UBE2G1: variants seen among roughly 807,000 people sequenced by gnomAD.
UBE2G1 encodes ubiquitin-conjugating enzyme E2 G1.
UBE2G1 carries 5 observed loss-of-function variants against 22.7 expected under a neutral mutation model. The observed-to-expected ratio is 0.22, with a 90% CI of 0.12 to 0.46. UBE2G1 has a LOEUF of 0.46. Among genes scored for constraint, UBE2G1 ranks in the 20% least tolerant of loss-of-function variants. The pLI, the probability that UBE2G1 is intolerant of heterozygous loss-of-function variation, is 0.99. For missense variants in UBE2G1, 88 were observed against 203.9 expected (o/e 0.43, Z 3.46); for synonymous variants, 74 against 67.5 (o/e 1.10, Z -0.47).
chr17:4,366,261 G>C lies in UBE2G1; in HGVS notation c.46+10C>G. 1 of 1,547,116 alleles carries C rather than the reference G, an allele frequency of 6.5e-7. No individual in the cohort carries two copies. The highest frequency in any genetic ancestry group is 1.2e-5 in the South Asian group (1 of 85,306). On this transcript the variant is annotated intron_variant, in intron 1 of 5. Transcript: ENST00000396981. ...GGCCGGGCCCGGCGCCCCGCCGCCC[G>C]CCTGCTCACCTGCCAGCTGTCTTCG...
intron 1 of UBE2G1, among the ~76,000 whole-genome samples, chr17:4,365,778 G>A (rs1597271607): frequency 6.6e-6 from 1 of 152,302 alleles, no homozygotes; most frequent in East Asian, 1.9e-4. Flanking sequence ...CGCCGCCCGG[G>A]GAGAAGTTTT....
intron 1 of UBE2G1, among the ~76,000 whole-genome samples, chr17:4,362,502 G>A (rs960365904): frequency 2.0e-5 from 3 of 152,028 alleles, no homozygotes; most frequent in African/African-American, 7.2e-5. Flanking sequence ...AACCCAAAAC[G>A]TCAGTAGCGC....
intron 1 of UBE2G1, among the ~76,000 whole-genome samples, chr17:4,342,366 A>C (rs550166995): frequency 2.6e-5 from 4 of 152,206 alleles, no homozygotes; most frequent in Non-Finnish European, 5.9e-5. Context: ...GCAGTAGCTC[A>C]TACCTGTAAT....
chr17:4,288,771 GT>G lies in UBE2G1; in HGVS notation c.426+458del, dbSNP rs145103723. On this transcript the variant is annotated intron_variant, in intron 4 of 5. Transcript: ENST00000396981. The stretch of plus-strand genomic sequence containing the variant: ...AAACTGCTGAGAGGAGAATTTAAGT[GT>G]TCTCACAATAAAATTAGTAAGTATG... 4.8e-3 allele frequency among the ~76,000 whole-genome samples: 736 copies of G among 152,244 alleles called. 5 individuals carry two copies. The highest frequency in any genetic ancestry group is 0.017 in the African/African-American group (691 of 41,540).
chr17:4,361,852 G>C (rs1969971634), intron 1 of UBE2G1, among the ~76,000 whole-genome samples: 1 of 147,876 alleles, frequency 6.8e-6, no homozygotes, highest in African/African-American at 2.5e-5. Context: ...TGAGGCACAA[G>C]AAACGCTTGA....
At chr17:4,336,464 A>C (rs1466499158) in intron 1 of UBE2G1, among the ~76,000 whole-genome samples, 1 of 152,230 alleles carries the variant, frequency 6.6e-6, no homozygotes, top group African/African-American at 2.4e-5. Context: ...ATAATGATCA[A>C]GATTACAATC....
intron 1 of UBE2G1, among the ~76,000 whole-genome samples, chr17:4,344,294 A>C (rs903444486): frequency 6.6e-6 from 1 of 152,132 alleles, no homozygotes. Context: ...TAATCCCAGC[A>C]CTTTGGGAGG....
At chr17:4,290,172 C>T (rs1423501194) in intron 3 of UBE2G1, among the ~76,000 whole-genome samples, 1 of 151,888 alleles carries the variant, frequency 6.6e-6, no homozygotes, top group African/African-American at 2.4e-5. Context: ...TATTGTGAAA[C>T]TAATCTTTTA....
chr17:4,296,056 T>A (rs1247833604), intron 3 of UBE2G1, among the ~76,000 whole-genome samples: 1 of 151,488 alleles, frequency 6.6e-6, no homozygotes, highest in Non-Finnish European at 1.5e-5. Context: ...TGAAAAACTA[T>A]AAGTTACAGA....
chr17:4,354,442 C>A (rs542953376), intron 1 of UBE2G1, among the ~76,000 whole-genome samples: 6 of 152,026 alleles, frequency 3.9e-5, no homozygotes, highest in Non-Finnish European at 7.4e-5. Context: ...AATTACATAC[C>A]AAATTATGCA....
intron 1 of UBE2G1, among the ~76,000 whole-genome samples, chr17:4,359,779 G>A (rs1969945781): frequency 6.6e-6 from 1 of 151,256 alleles, no homozygotes; most frequent in Non-Finnish European, 1.5e-5. Flanking sequence ...TTGAACCCGG[G>A]AGGCAGAGGC....
At chr17:4,343,484 A>T (rs1195607414) in intron 1 of UBE2G1, among the ~76,000 whole-genome samples, 2 of 152,144 alleles carry the variant, frequency 1.3e-5, no homozygotes. Context: ...AGCCTGGATG[A>T]AAAGAGTGAG....
At chr17:4,295,426 C>G (rs1160014293) in intron 3 of UBE2G1, among the ~76,000 whole-genome samples, 1 of 152,300 alleles carries the variant, frequency 6.6e-6, no homozygotes, top group East Asian at 1.9e-4. Flanking sequence ...TCTCCTAATG[C>G]CCATCTGGTT....
chr17:4,312,936 A>T (rs1314138639), intron 1 of UBE2G1, among the ~76,000 whole-genome samples: 1 of 152,136 alleles, frequency 6.6e-6, no homozygotes, highest in African/African-American at 2.4e-5. Context: ...CAAAGAGAAG[A>T]TGAAGTGGAA....
intron 1 of UBE2G1, among the ~76,000 whole-genome samples, chr17:4,339,013 G>A (rs1441042638): frequency 6.6e-6 from 1 of 152,198 alleles, no homozygotes; most frequent in East Asian, 1.9e-4. Flanking sequence ...CAATACCATA[G>A]TAATGGTATT....
chr17:4,343,002 G>A (rs887710941), intron 1 of UBE2G1, among the ~76,000 whole-genome samples: 4 of 151,824 alleles, frequency 2.6e-5, no homozygotes, highest in African/African-American at 7.3e-5. Context: ...CCCTTTCCCC[G>A]CTTTATTTTC....
intron 4 of UBE2G1, among the ~76,000 whole-genome samples, chr17:4,284,538 T>C (rs1454840443): frequency 6.6e-6 from 1 of 151,736 alleles, no homozygotes; most frequent in East Asian, 1.9e-4. Flanking sequence ...GAGGCAAAGG[T>C]TGCAGTGAGC....
chr17:4,286,605 C>T (rs1968966563), intron 4 of UBE2G1, among the ~76,000 whole-genome samples: 1 of 152,136 alleles, frequency 6.6e-6, no homozygotes, highest in Non-Finnish European at 1.5e-5. Flanking sequence ...TATTTCAACA[C>T]TTAGGAAAAT....
chr17:4,335,420 G>C (rs904089365), intron 1 of UBE2G1: 1 of 152,192 alleles, frequency 6.6e-6, no homozygotes, highest in Non-Finnish European at 1.5e-5. Flanking sequence ...TGGGTATTAA[G>C]AGAAAGGGAA....
Sources: allele counts gnomAD v4.1 joint callset (sites outside exome capture counted in the v4.1 genomes callset), GRCh38; gene constraint gnomAD v4.1.1; transcripts MANE v1.5; gene names NCBI Gene and HGNC (gene_info 2026-07-23, HGNC 2026-07-21).